GABRA1: variants seen among roughly 807,000 people sequenced by gnomAD.
GABRA1 encodes the protein gamma-aminobutyric acid type A receptor subunit alpha1.
Under a neutral mutation model 48.9 loss-of-function variants are expected in GABRA1, and 9 were observed. The observed-to-expected ratio is 0.18, with a 90% confidence interval of 0.11 to 0.32. The LOEUF (loss-of-function observed/expected upper bound fraction) is 0.32. GABRA1 is among the 10% of genes least tolerant of loss of function. The probability of loss-of-function intolerance (pLI) is 1.00; values close to 1 mark genes in which losing one functional copy is unlikely to be tolerated. For synonymous variants in GABRA1, 210 were observed against 198.7 expected (o/e 1.06, Z -0.48); for missense variants, 285 against 553.8 (o/e 0.51, Z 4.87).
chr5:161,876,676 A>C (rs1754368534), intron 6 of GABRA1, among the ~76,000 whole-genome samples: 1 of 152,166 alleles, frequency 6.6e-6, no homozygotes, highest in Non-Finnish European at 1.5e-5. Context: ...TAGGTTAAAC[A>C]GACATTTGGT....
At chr5:161,868,089 C>T (rs1753950516) in intron 4 of GABRA1, among the ~76,000 whole-genome samples, 1 of 151,706 alleles carries the variant, frequency 6.6e-6, no homozygotes, top group African/African-American at 2.4e-5. Context: ...AAGTTATGCC[C>T]TCTTTCTTAT....
chr5:161,851,685 A>G (rs756053729), intron 2 of GABRA1, among the ~76,000 whole-genome samples: 2 of 151,906 alleles, frequency 1.3e-5, no homozygotes, highest in African/African-American at 2.4e-5. Flanking sequence ...AACTCTTAAG[A>G]GTTAAGATAG....
At chr5:161,874,975 G>A (rs1266857764) in intron 5 of GABRA1, among the ~76,000 whole-genome samples, 4 of 152,118 alleles carry the variant, frequency 2.6e-5, no homozygotes, top group African/African-American at 7.2e-5. Flanking sequence ...GCTTCAATTA[G>A]ATGGTGGGTT....
rs548893097 is a variant in GABRA1 at position 161,864,480 on chromosome 5, A to G, written c.188-1241A>G. ...TTTATACTGACAGTCTTAACTCTTC[A>G]CAAGTAAATTGCTAAGGGAAAAGGG... is the stretch of plus-strand genomic sequence containing the variant. On this transcript the variant is annotated intron_variant, in intron 3 of 9. Transcript: ENST00000393943. Among the ~76,000 whole-genome samples the G allele has an allele frequency of 3.9e-5, 6 of 152,180 alleles. No individual in the cohort carries two copies. The East Asian group carries it at 9.7e-4, about 25-fold the overall frequency.
At chr5:161,848,771 T>TTTTA (rs1437811448) in intron 1 of GABRA1, 44 of 306,960 alleles carry the variant, frequency 1.4e-4, no homozygotes, top group South Asian at 1.5e-4. Flanking sequence ...TGTTTTGGTC[T>TTTTA]TTTATTTATT....
chr5:161,867,625 C>T (rs949087051), intron 4 of GABRA1, among the ~76,000 whole-genome samples: 1 of 152,044 alleles, frequency 6.6e-6, no homozygotes, highest in Non-Finnish European at 1.5e-5. Flanking sequence ...ATCAATAGTG[C>T]TCAATAAATG....
chr5:161,854,744 T>C (rs902522042), intron 3 of GABRA1, among the ~76,000 whole-genome samples: 3 of 151,652 alleles, frequency 2.0e-5, no homozygotes, highest in South Asian at 2.1e-4. Flanking sequence ...GGGAATGAGA[T>C]AGATGGTAGT....
At chr5:161,884,233 A>G (rs1754740842) in intron 7 of GABRA1, among the ~76,000 whole-genome samples, 1 of 152,172 alleles carries the variant, frequency 6.6e-6, no homozygotes, top group Admixed American at 6.6e-5. Context: ...TTATGTTGGA[A>G]AAGATATGAA....
intron 7 of GABRA1, among the ~76,000 whole-genome samples, chr5:161,890,483 G>C (rs1326805171): frequency 6.6e-6 from 1 of 152,072 alleles, no homozygotes; most frequent in Non-Finnish European, 1.5e-5. Flanking sequence ...AGCTTCTTCA[G>C]TAGGTATTGT....
At chr5:161,882,200 C>G (rs916992545) in intron 6 of GABRA1, 3 of 341,328 alleles carry the variant, frequency 8.8e-6, no homozygotes, top group African/African-American at 6.4e-5. Context: ...CTCTATCACA[C>G]TTATCTCTAC....
rs777957860 is a variant in GABRA1, at chr5:161,897,203, G to A, written c.1152G>A (p.Pro384=). 7 of 1,613,910 alleles carry A rather than the reference G, an allele frequency of 4.3e-6. No individual in the cohort carries two copies. Among genetic ancestry groups the A allele is most frequent in the Admixed American group, 1.7e-5 (1 of 59,974 alleles). Residue 384 remains proline, a synonymous_variant, in exon 10 of 10, where the codon CCG becomes CCA. Transcript: ENST00000393943. ...SYTPNLARGD[P]GLATIAKSAT... ...CCCCTAATTTGGCCAGGGGCGACCCGGGCTTAGCCACCATTGCTAAAAGTG... is the reference window on the plus strand; with the variant it reads ...CCCCTAATTTGGCCAGGGGCGACCCAGGCTTAGCCACCATTGCTAAAAGTG...
At chr5:161,894,258 A>G (rs2113459336) in intron 8 of GABRA1, among the ~76,000 whole-genome samples, 1 of 152,304 alleles carries the variant, frequency 6.6e-6, no homozygotes, top group South Asian at 2.1e-4. Context: ...TCGTGATTTT[A>G]AGTCAATTTT....
intron 3 of GABRA1, among the ~76,000 whole-genome samples, chr5:161,858,048 G>A (rs1316891437): frequency 6.6e-6 from 1 of 150,592 alleles, no homozygotes; most frequent in Non-Finnish European, 1.5e-5. Context: ...GGGAGGGAGA[G>A]GAATTGAGGA....
In GABRA1 at chr5:161,866,978, A is replaced by C. The variant is rs568301488; in HGVS notation, c.255+1190A>C. On this transcript the variant is annotated intron_variant, in intron 4 of 9. Coordinates refer to ENST00000393943, the MANE Select transcript of GABRA1 (RefSeq NM_001127644.2). ...CACATAGAAGGGTATATCCTTAGGGAAGTTACTTAATATCTCTCCAGATCA... is the reference window on the plus strand; with the variant it reads ...CACATAGAAGGGTATATCCTTAGGGCAGTTACTTAATATCTCTCCAGATCA... Among the ~76,000 whole-genome samples the C allele has an allele frequency of 3.8e-4, 58 of 152,230 alleles. No individual in the cohort carries two copies. In the Middle Eastern group the frequency reaches 0.017, roughly 45 times the overall value.
At chr5:161,855,100 A>G (rs1006576174) in intron 3 of GABRA1, among the ~76,000 whole-genome samples, 2 of 151,646 alleles carry the variant, frequency 1.3e-5, no homozygotes, top group Non-Finnish European at 1.5e-5. Context: ...ATTCCCAACT[A>G]TAGCTGATAC....
chr5:161,895,938 T>C, intron 9 of GABRA1, 70 bp downstream of exon 9: 8 of 1,359,190 alleles, frequency 5.9e-6, no homozygotes, highest in Non-Finnish European at 8.4e-6. Flanking sequence ...TGAGATGTTT[T>C]GGCCTGTGGT....
intron 7 of GABRA1, among the ~76,000 whole-genome samples, chr5:161,887,420 A>G (rs1032579909): frequency 1.3e-5 from 2 of 152,068 alleles, no homozygotes; most frequent in East Asian, 3.9e-4. Flanking sequence ...AGAAATAATT[A>G]TAACTATAGA....
chr5:161,870,302 C>T (rs1754049901), intron 4 of GABRA1, among the ~76,000 whole-genome samples: 1 of 152,112 alleles, frequency 6.6e-6, no homozygotes, highest in South Asian at 2.1e-4. Context: ...TGGATCACTC[C>T]TATAATCCCA....
At chr5:161,871,876 G>T (rs1754136149) in intron 4 of GABRA1, among the ~76,000 whole-genome samples, 1 of 152,104 alleles carries the variant, frequency 6.6e-6, no homozygotes, top group African/African-American at 2.4e-5. Context: ...AATAATAATT[G>T]TTAGTTACTT....
Sources: gnomAD v4.1 joint callset for allele counts (sites outside exome capture counted in the v4.1 genomes callset) on GRCh38, gnomAD v4.1.1 for gene constraint, MANE v1.5 for transcripts, NCBI Gene and HGNC (gene_info 2026-07-23, HGNC 2026-07-21) for gene names.